Variants in EXOG observed in about 807,000 individuals in gnomAD.
The protein encoded by EXOG is exo/endonuclease G, also known as nuclease EXOG, mitochondrial.
Under a neutral mutation model 25.8 loss-of-function variants are expected in EXOG, and 27 were observed. That is an observed-to-expected ratio of 1.05 (90% CI 0.77 to 1.45). The LOEUF (loss-of-function observed/expected upper bound fraction) is 1.45, where lower values mean the gene tolerates loss of function less well. EXOG is among the 40% of genes most tolerant of loss of function. The pLI is 0.00. For synonymous variants in EXOG, 133 were observed against 167.0 expected, an observed-to-expected ratio of 0.80 and a Z score of 1.57; for missense variants, 458 against 450.5, an observed-to-expected ratio of 1.02 and a Z score of -0.15.
At chr3:38,504,339 C>G (rs1019159162) in intron 4 of EXOG, among the ~76,000 whole-genome samples, 3 of 150,308 alleles carry the variant, frequency 2.0e-5, no homozygotes, top group African/African-American at 5.0e-5. Flanking sequence ...GCACTCCAGT[C>G]TGGACAACAG....
chr3:38,498,820 G>A (rs779657417), intron 2 of EXOG: 7 of 416,540 alleles, frequency 1.7e-5, no homozygotes, highest in African/African-American at 8.2e-5. Flanking sequence ...GTGAAATGAT[G>A]CTGGAGAAGT....
At chr3:38,509,987 A>G (rs556444788) in intron 5 of EXOG, among the ~76,000 whole-genome samples, 2 of 152,334 alleles carry the variant, frequency 1.3e-5, no homozygotes, top group African/African-American at 2.4e-5. Context: ...GGGTATTTAC[A>G]TAATCTAAAA....
intron 5 of EXOG, among the ~76,000 whole-genome samples, chr3:38,508,827 A>G (rs1474590153): frequency 3.3e-5 from 5 of 151,562 alleles, no homozygotes; most frequent in Admixed American, 1.3e-4. Context: ...AAGGATTTGT[A>G]TAGGTCCATA....
At chr3:38,507,030 T>A in intron 5 of EXOG, 62 bp downstream of exon 5, 1 of 734,598 alleles carries the variant, frequency 1.4e-6, no homozygotes. Flanking sequence ...CACTTTCCAT[T>A]CTGCTTTTTA....
chr3:38,512,195 A>T (rs1284513898), intron 5 of EXOG, among the ~76,000 whole-genome samples: 2 of 152,186 alleles, frequency 1.3e-5, no homozygotes, highest in African/African-American at 4.8e-5. Context: ...TCATGGCATT[A>T]AAGTCATAAC....
intron 5 of EXOG, among the ~76,000 whole-genome samples, chr3:38,513,467 C>T (rs1274189859): frequency 6.6e-6 from 1 of 152,004 alleles, no homozygotes. Flanking sequence ...TAAATCTGTG[C>T]CACTTGAGAG....
rs959561762 is a variant in EXOG, at chr3:38,524,432, A to G, written c.*70A>G. On this transcript the variant is annotated 3_prime_UTR_variant, in exon 6 of 6. Transcript: ENST00000287675. ...TGCCCTCTTTAGGCTAACATATTTT[A>G]GTGGCTTTGCTTTTTGCTTTTTAAA... 1 of 1,499,262 alleles carries G rather than the reference A, an allele frequency of 6.7e-7. No individual in the cohort carries two copies. Among genetic ancestry groups the G allele is most frequent in the African/African-American group, 1.4e-5 (1 of 70,696 alleles). 92.9% of individuals were successfully genotyped at this position (1,499,262 alleles called of 1,614,324 possible).
intron 5 of EXOG, chr3:38,523,245 A>T: frequency 7.8e-7 from 1 of 1,288,614 alleles, no homozygotes; most frequent in Non-Finnish European, 1.0e-6. Context: ...TTATGAGATG[A>T]AGAGAAAATG....
chr3:38,500,758 A>G (rs2060021271), intron 2 of EXOG, among the ~76,000 whole-genome samples: 2 of 152,176 alleles, frequency 1.3e-5, no homozygotes, highest in South Asian at 4.1e-4. Flanking sequence ...ATAAAATCTG[A>G]GATTTCTTCT....
intron 2 of EXOG, chr3:38,499,644 C>CT (rs755785067): frequency 2.0e-4 from 88 of 444,196 alleles, no homozygotes; most frequent in Middle Eastern, 7.0e-4. Context: ...TTTTTTTTAC[C>CT]TTTTTTTTTG....
intron 5 of EXOG, among the ~76,000 whole-genome samples, chr3:38,514,778 C>CTCTTT (rs2060485349): frequency 4.4e-5 from 5 of 113,610 alleles, no homozygotes; most frequent in African/African-American, 1.1e-4. Flanking sequence ...CCTCCCCCTG[C>CTCTTT]TTTTTTTTTT....
chr3:38,526,190 C>T lies in EXOG; in HGVS notation c.*1828C>T, dbSNP rs1297720210. On this transcript the variant is annotated 3_prime_UTR_variant, in exon 6 of 6. Transcript: ENST00000287675. The stretch of plus-strand genomic sequence containing the variant: ...TTGGGGCATAAGAACTTGTCTGAAT[C>T]TGTCATACATACCACTGCTGTCTTT... 1.5e-5 allele frequency: 15 copies of T among 984,752 alleles called. No homozygotes were observed. Among genetic ancestry groups the T allele is most frequent in the African/African-American group, 3.5e-5 (2 of 57,206 alleles). The allele number at this position is 984,752 out of a possible 1,614,324, so 61.0% of individuals were successfully genotyped here.
chr3:38,497,397 C>T (rs1027921878), intron 1 of EXOG: 4 of 1,274,454 alleles, frequency 3.1e-6, no homozygotes, highest in Admixed American at 3.9e-5. Flanking sequence ...GCAGTAGCTG[C>T]ATTTTATTCA....
Position 38,526,198 on chromosome 3 carries a change from C to T in EXOG, c.*1836C>T. On this transcript the variant is annotated 3_prime_UTR_variant, in exon 6 of 6. Coordinates refer to ENST00000287675, the MANE Select transcript of EXOG (RefSeq NM_005107.4). ...TAAGAACTTGTCTGAATCTGTCATACATACCACTGCTGTCTTTTCCGAGTG... is the reference window on the plus strand; with the variant it reads ...TAAGAACTTGTCTGAATCTGTCATATATACCACTGCTGTCTTTTCCGAGTG... The T allele has an allele frequency of 4.1e-6, 4 of 985,062 alleles. No individual in the cohort carries two copies. The highest frequency in any genetic ancestry group is 4.8e-6 in the Non-Finnish European group (4 of 829,600). The allele number at this position is 985,062 out of a possible 1,614,324, so 61.0% of individuals were successfully genotyped here.
At position 38,496,423 on chromosome 3, in the gene EXOG, G is replaced by C; in HGVS notation, c.56G>C (p.Gly19Ala). The C allele has an allele frequency of 6.2e-7, 1 of 1,614,114 alleles. No individual in the cohort carries two copies. The highest frequency in any genetic ancestry group is 8.5e-7 in the Non-Finnish European group (1 of 1,179,984). The change falls in exon 1 of 6, where the codon GGC (glycine) becomes GCC (alanine). Residue 19 changes from glycine to alanine, a missense_variant. Gly to Ala is a moderately conservative substitution (Grantham distance 60, BLOSUM62 0). This residue lies in a region of EXOG where 275 missense variants were observed against 230.5 expected (regional missense o/e 1.19). Coordinates refer to ENST00000287675, the MANE Select transcript of EXOG (RefSeq NM_005107.4). ...CGGGGTTCCCGTCGTTTTCTGAGCG[G>C]CTTCGTGGCTGGGGCTGTAGTGGGC... is the stretch of plus-strand genomic sequence containing the variant. ...RLRGSRRFLS[G>A]FVAGAVVGAA...
At chr3:38,512,837 G>C (rs2060414185) in intron 5 of EXOG, among the ~76,000 whole-genome samples, 1 of 152,088 alleles carries the variant, frequency 6.6e-6, no homozygotes, top group Admixed American at 6.5e-5. Context: ...TGCTCTGTCT[G>C]CTAGGCTGGA....
intron 4 of EXOG, 149 bp downstream of exon 4, chr3:38,503,840 T>C: frequency 2.0e-6 from 1 of 501,694 alleles, no homozygotes; most frequent in Non-Finnish European, 3.5e-6. Context: ...TTTTCTTTGC[T>C]GTGTTTTGGG....
At chr3:38,496,673 C>T (rs2059898904) in intron 1 of EXOG, 143 bp downstream of exon 1, 4 of 1,447,410 alleles carry the variant, frequency 2.8e-6, no homozygotes, top group South Asian at 1.5e-5. Context: ...GACCTTTATT[C>T]TCCCGGCTCG....
chr3:38,502,874 A>G (rs1383549026), intron 3 of EXOG, among the ~76,000 whole-genome samples: 1 of 152,136 alleles, frequency 6.6e-6, no homozygotes, highest in Non-Finnish European at 1.5e-5. Flanking sequence ...ACTATTGGTG[A>G]TTATGTCATT....
Sources: allele counts gnomAD v4.1 joint callset (sites outside exome capture counted in the v4.1 genomes callset), GRCh38; gene constraint gnomAD v4.1.1; regional missense constraint gnomAD v4.1.1; transcripts MANE v1.5; gene names NCBI Gene and HGNC (gene_info 2026-07-23, HGNC 2026-07-21).